RESF1: variants seen among roughly 807,000 people sequenced by gnomAD.
RESF1 encodes gonad expressed transcript.
RESF1 carries 65 observed loss-of-function variants against 134.7 expected under a neutral mutation model. That is an observed-to-expected ratio of 0.48 (90% CI 0.40 to 0.59). The LOEUF is 0.59. Ranked by LOEUF, RESF1 falls within the 20% of genes least tolerant of loss-of-function variation. RESF1 has a pLI of 0.00. For missense variants in RESF1, 2,274 were observed against 2,002.7 expected, an observed-to-expected ratio of 1.14 and a Z score of -2.59; for synonymous variants, 762 against 702.2, an observed-to-expected ratio of 1.09 and a Z score of -1.35.
chr12:31,965,328 C>G (rs574495855), intron 2 of RESF1, among the ~76,000 whole-genome samples: 10 of 152,298 alleles, frequency 6.6e-5, no homozygotes, highest in African/African-American at 2.4e-4. Flanking sequence ...ATGAAAGTAC[C>G]TCTGATTGGT....
chr12:31,962,573 A>G (rs1490079310), intron 2 of RESF1: 2 of 152,348 alleles, frequency 1.3e-5, no homozygotes, highest in South Asian at 2.1e-4. Context: ...GATTGGAACT[A>G]TACATTTTAT....
chr12:31,982,485 T>G lies in RESF1; in HGVS notation c.1530T>G (p.Ser510=), dbSNP rs900326743. The G allele has an allele frequency of 1.9e-6, 3 of 1,613,696 alleles. No individual in the cohort carries two copies. Among genetic ancestry groups the G allele is most frequent in the Non-Finnish European group, 2.5e-6 (3 of 1,180,022 alleles). Reference sequence around the variant, plus strand: ...CTGTTTTACCAAATCCTGTCTATTCTGAAAAGCGGCCAATGCCAGACTCAT... The same window carrying G: ...CTGTTTTACCAAATCCTGTCTATTCGGAAAAGCGGCCAATGCCAGACTCAT... ...VDSVLPNPVY[S]EKRPMPDSSH... Residue 510 remains serine (S), a synonymous_variant, in exon 4 of 6, where the codon TCT becomes TCG. Coordinates refer to ENST00000312561, the MANE Select transcript of RESF1 (RefSeq NM_018169.4).
chr12:31,989,449 A>G lies in RESF1; in HGVS notation c.5086+2127A>G, dbSNP rs540164422. ...GAGGGGTTCAGAGCCTCAAAAATGG[A>G]GAGCAGCAGAAACTCACCAAGAGAA... On this transcript the variant is annotated intron_variant, in intron 5 of 5. Coordinates refer to ENST00000312561, the MANE Select transcript of RESF1 (RefSeq NM_018169.4). Among the ~76,000 whole-genome samples the G allele has an allele frequency of 3.3e-5, 5 of 151,286 alleles. No homozygotes were observed. In the South Asian group the frequency reaches 1.0e-3, roughly 32 times the overall value.
rs771786864 is a variant in RESF1 at position 31,985,883 on chromosome 12, T to G, written c.4928T>G (p.Leu1643Arg). 1 of 1,537,788 alleles carries G rather than the reference T, an allele frequency of 6.5e-7. No individual in the cohort carries two copies. The highest frequency in any genetic ancestry group is 2.4e-5 in the Admixed American group (1 of 42,546). Reference protein sequence around the residue: ...LEFKLCPDILLKNTNSVEERK... With the variant: ...LEFKLCPDILRKNTNSVEERK... ...TTTAAATTATGTCCAGATATCTTAC[T>G]AAAGAATACAAACTCTGTGGAAGAA... Residue 1643 changes from leucine to arginine, a missense_variant, in exon 4 of 6, where the codon CTA becomes CGA. Transcript: ENST00000312561.
rs78089080 is a variant in RESF1 at position 31,986,178 on chromosome 12, A to G, written c.5002+221A>G. Among the ~76,000 whole-genome samples, 333 of 152,352 alleles carry G rather than the reference A, an allele frequency of 2.2e-3. 3 individuals carry two copies. In the East Asian group the frequency reaches 0.031, roughly 14 times the overall value. On this transcript the variant is annotated intron_variant, in intron 4 of 5. Coordinates refer to ENST00000312561, the MANE Select transcript of RESF1 (RefSeq NM_018169.4). ...TGTAAATTGTAGAAAATTGGTCGTC[A>G]TGACGAGCTATATGTAAAACTTGCC...
At chr12:31,961,480 G>T (rs1464400709) in intron 2 of RESF1, among the ~76,000 whole-genome samples, 1 of 152,194 alleles carries the variant, frequency 6.6e-6, no homozygotes, top group Non-Finnish European at 1.5e-5. Flanking sequence ...AGTTACATGA[G>T]TTTCATGCAT....
chr12:31,985,483 A>G lies in RESF1; in HGVS notation c.4528A>G (p.Asn1510Asp). Residue 1510 changes from asparagine (N) to aspartate (D), a missense_variant, in exon 4 of 6, where the codon AAT (asparagine) becomes GAT (aspartate). Physicochemically the swap from Asn to Asp is conservative, Grantham distance 23. Transcript: ENST00000312561. ...SGVQTSKESL[N>D]GLTSHGKNLK... The stretch of plus-strand genomic sequence containing the variant: ...CGTGCAGACCTCTAAAGAATCATTA[A>G]ATGGCTTGACAAGCCATGGTAAAAA... 6.2e-7 allele frequency: 1 copy of G among 1,605,944 alleles called. No homozygotes were observed. Among genetic ancestry groups the G allele is most frequent in the South Asian group, 1.1e-5 (1 of 89,274 alleles).
intron 5 of RESF1, among the ~76,000 whole-genome samples, chr12:31,988,191 A>G (rs1291335982): frequency 1.3e-5 from 2 of 152,186 alleles, no homozygotes; most frequent in Admixed American, 1.3e-4. Flanking sequence ...ATTTGACTTA[A>G]GTTTCATTGC....
intron 2 of RESF1, among the ~76,000 whole-genome samples, chr12:31,964,518 T>C (rs1939355025): frequency 6.6e-6 from 1 of 152,254 alleles, no homozygotes; most frequent in Non-Finnish European, 1.5e-5. Context: ...CTGTTTTCTT[T>C]ATGCGGTTTA....
chr12:31,974,638 C>T (rs1276105462), intron 3 of RESF1, among the ~76,000 whole-genome samples: 3 of 152,098 alleles, frequency 2.0e-5, no homozygotes, highest in Admixed American at 2.0e-4. Context: ...CTTAAAGGCC[C>T]TATCTCCAAA....
intron 2 of RESF1, among the ~76,000 whole-genome samples, chr12:31,965,590 A>T (rs959394874): frequency 6.6e-5 from 10 of 152,148 alleles, no homozygotes; most frequent in African/African-American, 2.4e-4. Context: ...AGCTACCCTC[A>T]ACTGCATGGT....
chr12:31,982,856 C>T lies in RESF1; in HGVS notation c.1901C>T (p.Thr634Ile), dbSNP rs2120863452. Residue 634 changes from threonine (T) to isoleucine (I), a missense_variant, in exon 4 of 6, where the codon ACT becomes ATT. By Grantham distance (89) the Thr-to-Ile change is moderately conservative. Transcript: ENST00000312561. The stretch of plus-strand genomic sequence containing the variant: ...CAACTGAATTTGAAGAACATGGAAA[C>T]TCCAAGTACTTCTAATGTAAGTGGC... ...GNQLNLKNME[T>I]PSTSNVSGRV... is the part of the protein sequence containing the mutation. The T allele has an allele frequency of 1.2e-6, 2 of 1,613,916 alleles. No individual in the cohort carries two copies. Among genetic ancestry groups the T allele is most frequent in the Middle Eastern group, 1.6e-4 (1 of 6,062 alleles).
intron 2 of RESF1, among the ~76,000 whole-genome samples, chr12:31,965,718 C>T (rs775625745): frequency 6.6e-6 from 1 of 152,038 alleles, no homozygotes; most frequent in Non-Finnish European, 1.5e-5. Flanking sequence ...TGGTGAAAAG[C>T]CATCTCTACT....
rs375076732 is a variant in RESF1, at chr12:31,981,990, C to T, written c.1035C>T (p.Asn345=). The change falls in exon 4 of 6, where the codon AAC becomes AAT. Residue 345 remains asparagine, a synonymous_variant. Coordinates refer to ENST00000312561, the MANE Select transcript of RESF1 (RefSeq NM_018169.4). ...GNFTNLKVNT[N]SKQPFNSPIR... is the part of the protein sequence containing the mutation. ...TCACTAACTTGAAAGTAAATACCAA[C>T]AGCAAACAGCCTTTTAACAGTCCCA... 5.3e-5 allele frequency: 86 copies of T among 1,614,026 alleles called. No homozygotes were observed. Among genetic ancestry groups the T allele is most frequent in the Non-Finnish European group, 6.7e-5 (79 of 1,180,014 alleles).
At position 31,992,285 on chromosome 12, in the gene RESF1, C is replaced by T. The variant is rs1940108086; in HGVS notation, c.5087-93C>T. The T allele has an allele frequency of 4.6e-6, 5 of 1,092,266 alleles. 1 individual carries two copies. Among genetic ancestry groups the T allele is most frequent in the Admixed American group, 4.7e-5 (2 of 42,802 alleles). 67.7% of individuals were successfully genotyped at this position (1,092,266 alleles called of 1,614,324 possible). A position where few individuals can be genotyped will look rare whatever the true frequency, so the allele number is the denominator to read the frequency against. On this transcript the variant is annotated intron_variant, in intron 5 of 5. Coordinates refer to ENST00000312561, the MANE Select transcript of RESF1 (RefSeq NM_018169.4). ...TAACTCCTTGCCTTAATTTTTTATC[C>T]CTCCAATATATATTTTCCCTCTGAA...
intron 3 of RESF1, among the ~76,000 whole-genome samples, chr12:31,977,801 C>CTTTTTTTTTTTTTTTTT (rs3075963): frequency 4.8e-5 from 6 of 124,394 alleles, no homozygotes; most frequent in Non-Finnish European, 8.3e-5. Flanking sequence ...TTCTTTCTTT[C>CTTTTTTTTTTTTTTTTT]TTTTTTTTTT....
intron 3 of RESF1, among the ~76,000 whole-genome samples, chr12:31,976,390 A>T (rs886446569): frequency 3.3e-5 from 5 of 152,232 alleles, no homozygotes; most frequent in African/African-American, 1.2e-4. Flanking sequence ...CATGTATTAT[A>T]TGCTGTATTC....
At chr12:31,974,096 G>A (rs1939574665) in intron 3 of RESF1, among the ~76,000 whole-genome samples, 1 of 151,882 alleles carries the variant, frequency 6.6e-6, no homozygotes, top group African/African-American at 2.4e-5. Flanking sequence ...AAGCCTATTA[G>A]ATGAAGAGCC....
chr12:31,966,562 A>G (rs1939400595), intron 2 of RESF1, among the ~76,000 whole-genome samples: 1 of 152,244 alleles, frequency 6.6e-6, no homozygotes, highest in Admixed American at 6.5e-5. Flanking sequence ...GATTGCCAGC[A>G]CTTCATGCTG....
Sources: gnomAD v4.1 joint callset for allele counts (sites outside exome capture counted in the v4.1 genomes callset) on GRCh38, gnomAD v4.1.1 for gene constraint, MANE v1.5 for transcripts, NCBI Gene and HGNC (gene_info 2026-07-23, HGNC 2026-07-21) for gene names.